DNAJC8: variants seen among roughly 807,000 people sequenced by gnomAD.
The protein encoded by DNAJC8 is dnaJ homolog subfamily C member 8.
A neutral mutation model predicts 43.2 loss-of-function variants in DNAJC8; 24 were observed. The observed-to-expected ratio is 0.56, with a 90% CI of 0.40 to 0.78. The LOEUF is 0.78. DNAJC8 is among the 30% of genes least tolerant of loss of function. The pLI is 0.00. For synonymous variants in DNAJC8, 83 were observed against 98.0 expected, an observed-to-expected ratio of 0.85 and a Z score of 0.90; for missense variants, 207 against 299.4, an observed-to-expected ratio of 0.69 and a Z score of 2.28.
At chr1:28,224,602 G>A (rs1211463400) in intron 2 of DNAJC8, among the ~76,000 whole-genome samples, 1 of 151,968 alleles carries the variant, frequency 6.6e-6, no homozygotes, top group Non-Finnish European at 1.5e-5. Context: ...AAACAAACAC[G>A]CCAGGTGTGG....
chr1:28,230,133 G>T (rs1453095824), intron 1 of DNAJC8: 1 of 152,040 alleles, frequency 6.6e-6, no homozygotes, highest in East Asian at 1.9e-4. Context: ...TCCCTGACCT[G>T]AAGACAATGC....
At chr1:28,223,894 G>C (rs1006654258) in intron 2 of DNAJC8, among the ~76,000 whole-genome samples, 1 of 152,090 alleles carries the variant, frequency 6.6e-6, no homozygotes, top group African/African-American at 2.4e-5. Context: ...CAACAGCAAT[G>C]AATCTACCTA....
At chr1:28,215,353 C>T (rs1304662293) in intron 2 of DNAJC8, among the ~76,000 whole-genome samples, 2 of 151,792 alleles carry the variant, frequency 1.3e-5, no homozygotes, top group Non-Finnish European at 2.9e-5. Flanking sequence ...GTCGAGAAAC[C>T]GTAATAACTC....
chr1:28,221,668 C>G (rs941879062), intron 2 of DNAJC8, among the ~76,000 whole-genome samples: 3 of 152,084 alleles, frequency 2.0e-5, no homozygotes, highest in Non-Finnish European at 1.5e-5. Flanking sequence ...GTACTATGCT[C>G]GATTTTAAAG....
Position 28,201,682 on chromosome 1 carries a change from G to A in DNAJC8, c.640-312C>T, listed in dbSNP as rs553999863. Among the ~76,000 whole-genome samples, 16 of 151,840 alleles carry A rather than the reference G, an allele frequency of 1.1e-4. No homozygotes were observed. The South Asian group carries it at 1.9e-3, about 18-fold the overall frequency. On this transcript the variant is annotated intron_variant, in intron 8 of 8. Coordinates refer to ENST00000263697, the MANE Select transcript of DNAJC8 (RefSeq NM_014280.3). The stretch of plus-strand genomic sequence containing the variant: ...CAGGTGCCTGTAATCCCAGCTACTC[G>A]GGAGGCTGAGGCAGGAGAATCGCTT...
Position 28,210,031 on chromosome 1 carries a change from C to T in DNAJC8, c.340G>A (p.Glu114Lys). ...DKAYKLLLDQ[E>K]QKKRALDVIQ... is the part of the protein sequence containing the mutation. ...ACATCCAGGGCCCTCTTCTTTTGCT[C>T]CTGATCCAGTAGCAACTTGTAAGCT... is the stretch of plus-strand genomic sequence containing the variant. Residue 114 changes from glutamate (E) to lysine (K), a missense_variant, in exon 5 of 9, where the codon GAG (glutamate) becomes AAG (lysine). By Grantham distance (56) the Glu-to-Lys change is moderately conservative. Coordinates refer to ENST00000263697, the MANE Select transcript of DNAJC8 (RefSeq NM_014280.3). The T allele has an allele frequency of 6.2e-7, 1 of 1,614,122 alleles. No homozygotes were observed. The highest frequency in any genetic ancestry group is 8.5e-7 in the Non-Finnish European group (1 of 1,179,990).
chr1:28,224,216 C>A (rs1331633789), intron 2 of DNAJC8, among the ~76,000 whole-genome samples: 1 of 152,130 alleles, frequency 6.6e-6, no homozygotes, highest in Non-Finnish European at 1.5e-5. Context: ...TTTCAAAGCA[C>A]CTCCACATAA....
intron 2 of DNAJC8, among the ~76,000 whole-genome samples, chr1:28,219,273 C>T (rs984179131): frequency 6.6e-5 from 10 of 151,962 alleles, no homozygotes; most frequent in African/African-American, 1.2e-4. Flanking sequence ...CTTTGGGAGG[C>T]GGAGGCAGAC....
At chr1:28,214,138 G>A (rs952346339) in intron 3 of DNAJC8, among the ~76,000 whole-genome samples, 12 of 151,920 alleles carry the variant, frequency 7.9e-5, no homozygotes, top group Admixed American at 1.3e-4. Flanking sequence ...TTAAACCTAC[G>A]AATGGGCAAG....
chr1:28,201,342 C>A lies in DNAJC8; in HGVS notation c.668G>T (p.Trp223Leu). 1 of 1,613,908 alleles carries A rather than the reference C, an allele frequency of 6.2e-7. No homozygotes were observed. Among genetic ancestry groups the A allele is most frequent in the Non-Finnish European group, 8.5e-7 (1 of 1,180,018 alleles). The stretch of plus-strand genomic sequence containing the variant: ...CTTCGTATTGGCTTGGAAGTTTCGC[C>A]AGCTGTCCACACGACCATCTCGACT... Reference protein sequence around the residue: ...EESRDGRVDSWRNFQANTKGK... With the variant: ...EESRDGRVDSLRNFQANTKGK... The change falls in exon 9 of 9, where the codon TGG becomes TTG. Residue 223 changes from tryptophan to leucine, a missense_variant. Physicochemically the swap from Trp to Leu is moderately conservative, Grantham distance 61. Around this residue, in one of 2 missense-constraint regions of DNAJC8, gnomAD observed 159 missense variants for 267.5 expected, o/e 0.59. Transcript: ENST00000263697.
rs1038894043 is a variant in DNAJC8 at position 28,225,525 on chromosome 1, A to G, written c.180+3397T>C. ...CCTAGAAGAGGCAAATTCATAGACAAAGTAGAGTAGAGGTTACCAGGGGTC... is the reference window on the plus strand; with the variant it reads ...CCTAGAAGAGGCAAATTCATAGACAGAGTAGAGTAGAGGTTACCAGGGGTC... On this transcript the variant is annotated intron_variant, in intron 2 of 8. Transcript: ENST00000263697. Among the ~76,000 whole-genome samples the G allele has an allele frequency of 1.3e-5, 2 of 151,010 alleles. 1 individual carries two copies. The highest frequency in any genetic ancestry group is 1.3e-4 in the Admixed American group (2 of 15,104).
intron 5 of DNAJC8, among the ~76,000 whole-genome samples, chr1:28,209,270 T>C (rs1646793146): frequency 6.6e-6 from 1 of 152,210 alleles, no homozygotes; most frequent in Non-Finnish European, 1.5e-5. Flanking sequence ...TTATTATGGT[T>C]ATAAAGTTGT....
At chr1:28,226,200 G>A (rs1298344701) in intron 2 of DNAJC8, among the ~76,000 whole-genome samples, 1 of 151,050 alleles carries the variant, frequency 6.6e-6, no homozygotes, top group East Asian at 1.9e-4. Flanking sequence ...TCAGAGGGCC[G>A]CCTGTTAAAA....
At chr1:28,208,506 G>C (rs576461687) in intron 5 of DNAJC8, 93 bp from the exon 6 acceptor site, 6 of 709,990 alleles carry the variant, frequency 8.5e-6, no homozygotes, top group Admixed American at 3.8e-5. Flanking sequence ...ACTTTCTATA[G>C]GCACGGGTAT....
chr1:28,203,913 T>C (rs1646752816), intron 7 of DNAJC8, 91 bp from the exon 8 acceptor site: 1 of 1,263,150 alleles, frequency 7.9e-7, no homozygotes, highest in African/African-American at 1.5e-5. Context: ...AGCAAGCATA[T>C]ATAGTAAATC....
chr1:28,219,617 C>T (rs1027849711), intron 2 of DNAJC8, among the ~76,000 whole-genome samples: 9 of 152,134 alleles, frequency 5.9e-5, no homozygotes, highest in African/African-American at 2.2e-4. Flanking sequence ...TGTGGTTTTC[C>T]TATGGCTAAA....
chr1:28,201,957 C>T (rs144768851), intron 8 of DNAJC8, among the ~76,000 whole-genome samples: 3,386 of 146,798 alleles, frequency 0.023, 139 homozygotes, highest in African/African-American at 0.079. Context: ...GGCATGGTGG[C>T]GCATGCCTGT....
At chr1:28,206,981 G>A (rs923692805) in intron 6 of DNAJC8, among the ~76,000 whole-genome samples, 23 of 152,034 alleles carry the variant, frequency 1.5e-4, no homozygotes, top group African/African-American at 5.1e-4. Flanking sequence ...CTCCATACAC[G>A]GGATAGACAG....
chr1:28,230,574 A>T (rs1646966914), intron 1 of DNAJC8, among the ~76,000 whole-genome samples: 1 of 152,196 alleles, frequency 6.6e-6, no homozygotes, highest in South Asian at 2.1e-4. Flanking sequence ...AAATGACTGA[A>T]TTACCCTTCC....
Sources: allele counts gnomAD v4.1 joint callset (sites outside exome capture counted in the v4.1 genomes callset), GRCh38; gene constraint gnomAD v4.1.1; regional missense constraint gnomAD v4.1.1; transcripts MANE v1.5; gene names NCBI Gene and HGNC (gene_info 2026-07-23, HGNC 2026-07-21).